Variants in ANO4 observed in about 807,000 individuals in gnomAD.
The protein encoded by ANO4 is anoctamin 4, also known as anoctamin-4.
In ANO4, 69 loss-of-function variants were observed where a neutral mutation model predicts 141.9. That is an observed-to-expected ratio of 0.49 (90% CI 0.40 to 0.59). The LOEUF is 0.59. Among genes scored for constraint, ANO4 ranks in the 20% least tolerant of loss-of-function variants. The probability of loss-of-function intolerance (pLI) is 0.00; values close to 1 mark genes in which losing one functional copy is unlikely to be tolerated. For synonymous variants in ANO4, 350 were observed against 394.3 expected (o/e 0.89, Z 1.33); for missense variants, 894 against 1,162.2 (o/e 0.77, Z 3.36).
At chr12:101,100,075 G>A (rs1001324413) in intron 22 of ANO4, among the ~76,000 whole-genome samples, 1 of 152,104 alleles carries the variant, frequency 6.6e-6, no homozygotes, top group East Asian at 1.9e-4. Context: ...ATAATAATAA[G>A]AGGAACCATT....
intron 3 of ANO4, among the ~76,000 whole-genome samples, chr12:100,778,020 CA>C (rs1280115007): frequency 6.6e-6 from 1 of 151,306 alleles, no homozygotes; most frequent in African/African-American, 2.4e-5. Flanking sequence ...CCCGGGTTCA[CA>C]CCATTCTCCT....
chr12:101,054,614 G>C (rs822640), intron 14 of ANO4, among the ~76,000 whole-genome samples: 109,071 of 152,048 alleles, frequency 0.72, 39,198 homozygotes, highest in East Asian at 0.84. Flanking sequence ...ATTCTCCTGC[G>C]TCAGCCTCTC....
At chr12:100,940,202 T>C (rs2042454190) in intron 4 of ANO4, among the ~76,000 whole-genome samples, 1 of 151,886 alleles carries the variant, frequency 6.6e-6, no homozygotes, top group Non-Finnish European at 1.5e-5. Flanking sequence ...TTCTGTTTTT[T>C]TTTTTTCTGT....
intron 9 of ANO4, among the ~76,000 whole-genome samples, chr12:101,028,048 A>T (rs1300619111): frequency 1.3e-5 from 2 of 152,056 alleles, no homozygotes; most frequent in African/African-American, 4.8e-5. Flanking sequence ...ATAGGGCCTA[A>T]AGTGAACCCC....
At chr12:100,837,873 TG>T (rs2037023291) in intron 1 of ANO4, among the ~76,000 whole-genome samples, 1 of 152,176 alleles carries the variant, frequency 6.6e-6, no homozygotes, top group Non-Finnish European at 1.5e-5. Context: ...TGAGGTTGTC[TG>T]ATACAAACAT....
chr12:100,759,229 T>C (rs1454421040), intron 3 of ANO4, among the ~76,000 whole-genome samples: 1 of 152,178 alleles, frequency 6.6e-6, no homozygotes, highest in Admixed American at 6.5e-5. Context: ...ATCATATTAG[T>C]CTCTCAATAT....
At chr12:100,859,928 T>C (rs901510112) in intron 1 of ANO4, among the ~76,000 whole-genome samples, 3 of 152,170 alleles carry the variant, frequency 2.0e-5, no homozygotes, top group Non-Finnish European at 4.4e-5. Flanking sequence ...TCATTAAAAT[T>C]CATCCATCAC....
At chr12:100,739,270 C>T (rs1469229819) in intron 2 of ANO4, among the ~76,000 whole-genome samples, 1 of 151,948 alleles carries the variant, frequency 6.6e-6, no homozygotes, top group Non-Finnish European at 1.5e-5. Flanking sequence ...TTACCTTCCC[C>T]ATGTCTCAGA....
At chr12:100,753,330 C>T (rs2032466108) in intron 3 of ANO4, among the ~76,000 whole-genome samples, 1 of 152,086 alleles carries the variant, frequency 6.6e-6, no homozygotes, top group East Asian at 1.9e-4. Context: ...CTATCACAGC[C>T]TCTCTATCTC....
intron 25 of ANO4, among the ~76,000 whole-genome samples, chr12:101,117,798 A>T (rs1191907903): frequency 6.6e-6 from 1 of 152,206 alleles, no homozygotes; most frequent in Non-Finnish European, 1.5e-5. Context: ...ATGGAGTCCT[A>T]GATGCTTTGA....
At chr12:101,072,675 T>G (rs981396388) in intron 14 of ANO4, among the ~76,000 whole-genome samples, 2 of 151,978 alleles carry the variant, frequency 1.3e-5, no homozygotes, top group African/African-American at 4.8e-5. Context: ...GGGAGAAAAT[T>G]TTTGCAATCT....
intron 3 of ANO4, among the ~76,000 whole-genome samples, chr12:100,773,079 G>A (rs923185943): frequency 4.3e-4 from 65 of 152,300 alleles, no homozygotes; most frequent in Admixed American, 4.1e-3. Context: ...ACTTCTCACA[G>A]TTTTAGAGGC....
At chr12:101,127,665 T>C (rs971930055) in intron 27 of ANO4, among the ~76,000 whole-genome samples, 196 bp from the exon 28 acceptor site, 3 of 152,224 alleles carry the variant, frequency 2.0e-5, no homozygotes, top group African/African-American at 7.2e-5. Flanking sequence ...GATGTGATGT[T>C]GCTTTAGACT....
chr12:101,071,416 A>G (rs1031814998), intron 14 of ANO4, among the ~76,000 whole-genome samples: 1 of 151,868 alleles, frequency 6.6e-6, no homozygotes, highest in African/African-American at 2.4e-5. Flanking sequence ...GTTAAGCGAC[A>G]TAAGCCAGGC....
chr12:100,874,565 G>A (rs1220743677), intron 1 of ANO4, among the ~76,000 whole-genome samples: 1 of 152,024 alleles, frequency 6.6e-6, no homozygotes, highest in African/African-American at 2.4e-5. Context: ...TGCTGCCCAG[G>A]CTGGAATGCA....
chr12:101,004,029 T>C (rs558710626), intron 8 of ANO4, among the ~76,000 whole-genome samples: 75 of 152,034 alleles, frequency 4.9e-4, no homozygotes, highest in African/African-American at 1.8e-3. Context: ...TGGTGTGTAG[T>C]TTCTCAGAGA....
At chr12:100,830,536 G>A (rs1181029735) in intron 1 of ANO4, among the ~76,000 whole-genome samples, 1 of 151,944 alleles carries the variant, frequency 6.6e-6, no homozygotes, top group Non-Finnish European at 1.5e-5. Context: ...CTTTGGGTAA[G>A]CCCAAAGTGT....
chr12:101,040,045 T>C lies in ANO4; in HGVS notation c.988T>C (p.Trp330Arg). 1.9e-6 allele frequency: 3 copies of C among 1,613,284 alleles called. No homozygotes were observed. The highest frequency in any genetic ancestry group is 2.5e-6 in the Non-Finnish European group (3 of 1,179,376). ...LYECWASWGV[W>R]YKYQPLDLVR... ...TGAGTGCTGGGCCTCCTGGGGCGTGTGGTATAAATACCAACCTTTGGATCT... is the reference window on the plus strand; with the variant it reads ...TGAGTGCTGGGCCTCCTGGGGCGTGCGGTATAAATACCAACCTTTGGATCT... Residue 330 changes from tryptophan (W) to arginine (R), a missense_variant, in exon 11 of 28, where the codon TGG (tryptophan) becomes CGG (arginine). Trp to Arg is a moderately radical substitution (Grantham distance 101, BLOSUM62 -3). Around this residue, in one of 2 missense-constraint regions of ANO4, gnomAD observed 637 missense variants for 909.2 expected, o/e 0.70. Transcript: ENST00000392977.
At chr12:100,739,146 T>TTA (rs930558792) in intron 2 of ANO4, among the ~76,000 whole-genome samples, 9 of 148,388 alleles carry the variant, frequency 6.1e-5, no homozygotes, top group African/African-American at 1.5e-4. Context: ...TCCTTATAAT[T>TTA]TATATATATA....
Sources: allele counts gnomAD v4.1 joint callset (sites outside exome capture counted in the v4.1 genomes callset), GRCh38; gene constraint gnomAD v4.1.1; regional missense constraint gnomAD v4.1.1; transcripts MANE v1.5; gene names NCBI Gene and HGNC (gene_info 2026-07-23, HGNC 2026-07-21).